Variants in ATP2B2 observed in about 807,000 individuals in gnomAD.
ATP2B2 encodes ATPase plasma membrane Ca2+ transporting 2, also known as plasma membrane calcium-transporting ATPase 2.
A neutral mutation model predicts 120.0 loss-of-function variants in ATP2B2; 15 were observed. The observed-to-expected ratio is 0.12, with a 90% CI of 0.08 to 0.19. The LOEUF (loss-of-function observed/expected upper bound fraction) is 0.19, where lower values mean the gene tolerates loss of function less well. ATP2B2 is among the 10% of genes least tolerant of loss of function. ATP2B2 has a pLI of 1.00. For synonymous variants in ATP2B2, 694 were observed against 700.3 expected (o/e 0.99, Z 0.14); for missense variants, 1,045 against 1,719.8 (o/e 0.61, Z 6.94).
intron 2 of ATP2B2, among the ~76,000 whole-genome samples, chr3:10,443,986 T>C (rs2125153925): frequency 6.6e-6 from 1 of 152,312 alleles, no homozygotes; most frequent in South Asian, 2.1e-4. Context: ...TCACCAGTCA[T>C]CATGTCTTCC....
At chr3:10,589,674 G>C (rs2068596366) in intron 2 of ATP2B2, among the ~76,000 whole-genome samples, 1 of 152,136 alleles carries the variant, frequency 6.6e-6, no homozygotes, top group Non-Finnish European at 1.5e-5. Flanking sequence ...CATGTGCAAA[G>C]AGCACTTAGT....
At chr3:10,351,247 C>T (rs2060570061) in intron 14 of ATP2B2, among the ~76,000 whole-genome samples, 1 of 152,182 alleles carries the variant, frequency 6.6e-6, no homozygotes, top group South Asian at 2.1e-4. Flanking sequence ...CCAGCCCCGC[C>T]CCACCCTACC....
At chr3:10,435,172 C>T (rs577244938) in intron 2 of ATP2B2, among the ~76,000 whole-genome samples, 14 of 152,342 alleles carry the variant, frequency 9.2e-5, no homozygotes, top group African/African-American at 2.2e-4. Context: ...GCATCTCCCA[C>T]GTCAGGGCCT....
chr3:10,663,554 C>T (rs1354060288), intron 1 of ATP2B2, among the ~76,000 whole-genome samples: 2 of 152,268 alleles, frequency 1.3e-5, no homozygotes, highest in East Asian at 3.9e-4. Flanking sequence ...CTAAGGGGCC[C>T]CGCACCAGAG....
intron 3 of ATP2B2, among the ~76,000 whole-genome samples, chr3:10,533,245 T>C (rs1403285976): frequency 6.6e-6 from 1 of 152,206 alleles, no homozygotes; most frequent in Non-Finnish European, 1.5e-5. Context: ...CTGCTGTATA[T>C]GCTGGCTCTG....
chr3:10,471,349 A>G (rs2064985135), intron 1 of ATP2B2, among the ~76,000 whole-genome samples: 1 of 148,652 alleles, frequency 6.7e-6, no homozygotes, highest in South Asian at 2.1e-4. Flanking sequence ...TGGTTTTAAA[A>G]GGGGTTCAGG....
chr3:10,669,116 C>A (rs2071025606), intron 1 of ATP2B2, among the ~76,000 whole-genome samples: 1 of 152,216 alleles, frequency 6.6e-6, no homozygotes, highest in Non-Finnish European at 1.5e-5. Context: ...CTGGGACCCT[C>A]TGGGAAGCCA....
intron 2 of ATP2B2, among the ~76,000 whole-genome samples, chr3:10,578,024 T>C (rs879036528): frequency 6.6e-6 from 1 of 152,210 alleles, no homozygotes; most frequent in Admixed American, 6.5e-5. Context: ...GTCTCTACTC[T>C]GTCTTCAGTA....
intron 2 of ATP2B2, among the ~76,000 whole-genome samples, chr3:10,546,932 C>T (rs951299187): frequency 4.6e-5 from 7 of 152,224 alleles, no homozygotes; most frequent in South Asian, 2.1e-4. Flanking sequence ...TGAGCATCTG[C>T]GCAATGTCCT....
At chr3:10,672,141 C>A (rs1375379516) in intron 1 of ATP2B2, among the ~76,000 whole-genome samples, 1 of 152,202 alleles carries the variant, frequency 6.6e-6, no homozygotes, top group African/African-American at 2.4e-5. Flanking sequence ...GATAATACGC[C>A]TCCACTGGTT....
chr3:10,653,404 C>T (rs1286381279), intron 1 of ATP2B2, among the ~76,000 whole-genome samples: 3 of 152,158 alleles, frequency 2.0e-5, no homozygotes, highest in Admixed American at 1.3e-4. Context: ...GACTCAACCA[C>T]ACCTGATGGA....
At chr3:10,502,733 C>T (rs916367838) in intron 1 of ATP2B2, among the ~76,000 whole-genome samples, 1 of 152,238 alleles carries the variant, frequency 6.6e-6, no homozygotes, top group Non-Finnish European at 1.5e-5. Flanking sequence ...GCTCCTCCGC[C>T]TTCACCCATA....
At chr3:10,468,658 A>G (rs2064855928) in intron 1 of ATP2B2, among the ~76,000 whole-genome samples, 1 of 152,238 alleles carries the variant, frequency 6.6e-6, no homozygotes, top group Non-Finnish European at 1.5e-5. Flanking sequence ...CTGTGGCTCC[A>G]AGGGGACAAG....
intron 1 of ATP2B2, among the ~76,000 whole-genome samples, chr3:10,690,659 G>C (rs1359290097): frequency 6.6e-6 from 1 of 152,162 alleles, no homozygotes; most frequent in Non-Finnish European, 1.5e-5. Context: ...CCCAGAGACA[G>C]AAGAGTGGCT....
At chr3:10,534,397 T>G (rs573530354) in intron 2 of ATP2B2, among the ~76,000 whole-genome samples, 32 of 152,336 alleles carry the variant, frequency 2.1e-4, no homozygotes, top group African/African-American at 7.5e-4. Context: ...ACTGGGAAGG[T>G]TGAGTGGCAG....
At chr3:10,445,196 G>A (rs1389521264) in intron 2 of ATP2B2, among the ~76,000 whole-genome samples, 1 of 152,244 alleles carries the variant, frequency 6.6e-6, no homozygotes, top group Non-Finnish European at 1.5e-5. Context: ...GCCTTGCACA[G>A]TGGCTTATCT....
Position 10,619,311 on chromosome 3 carries a change from C to G in ATP2B2, c.-415+606G>C, listed in dbSNP as rs565114055. ...AAAGACTGTGGTCCCAGAGCCAGCT[C>G]AATTCAAAAGGCCACTGAGCTCCAA... is the stretch of plus-strand genomic sequence containing the variant. On this transcript the variant is annotated intron_variant, in intron 2 of 21. Coordinates refer to the ATP2B2 transcript ENST00000646379. 1.2e-3 allele frequency among the ~76,000 whole-genome samples: 183 copies of G among 152,238 alleles called. 2 individuals are homozygous for G. Among genetic ancestry groups the G allele is most frequent in the African/African-American group, 4.2e-3 (175 of 41,536 alleles).
rs184710889 is a variant in ATP2B2 at position 10,337,623 on chromosome 3, T to G, written c.3420+553A>C. Among the ~76,000 whole-genome samples, 507 of 152,222 alleles carry G rather than the reference T, an allele frequency of 3.3e-3. 2 individuals are homozygous for G. Among genetic ancestry groups the G allele is most frequent in the African/African-American group, 0.012 (487 of 41,536 alleles). On this transcript the variant is annotated intron_variant, in intron 22 of 22. Coordinates refer to ENST00000360273, the MANE Select transcript of ATP2B2 (RefSeq NM_001001331.4). ...GCCCTGCACCTGTGCTCCCCTGGTG[T>G]GCTTGGTGTGTGCATGTGTGTCTGT...
chr3:10,457,642 G>A (rs955685848), intron 1 of ATP2B2, among the ~76,000 whole-genome samples: 1 of 152,234 alleles, frequency 6.6e-6, no homozygotes, highest in East Asian at 1.9e-4. Context: ...CATGATGTGT[G>A]AGTGTCTGTG....
Sources: allele counts gnomAD v4.1 joint callset (sites outside exome capture counted in the v4.1 genomes callset), GRCh38; gene constraint gnomAD v4.1.1; transcripts MANE v1.5; gene names NCBI Gene and HGNC (gene_info 2026-07-23, HGNC 2026-07-21).